The following FAM228B variants were observed in gnomAD, a reference collection of about 807,000 sequenced individuals.
FAM228B encodes the protein family with sequence similarity 228 member B, also known as protein FAM228B.
FAM228B carries 38 observed loss-of-function variants against 42.6 expected under a neutral mutation model. The observed-to-expected ratio is 0.89, with a 90% CI of 0.69 to 1.17. FAM228B has a LOEUF of 1.17. Ranked by LOEUF, FAM228B falls within the 50% of genes most tolerant of loss-of-function variation. The pLI is 0.00. For synonymous variants in FAM228B, 109 were observed against 122.3 expected, an observed-to-expected ratio of 0.89 and a Z score of 0.72; for missense variants, 344 against 367.3, an observed-to-expected ratio of 0.94 and a Z score of 0.52.
intron 5 of FAM228B, among the ~76,000 whole-genome samples, chr2:24,143,510 A>G (rs1203823664): frequency 3.9e-5 from 6 of 152,190 alleles, no homozygotes; most frequent in South Asian, 2.1e-4. Flanking sequence ...ACTTTTTTCA[A>G]TTACGTATCT....
rs992479911 is a variant in FAM228B, at chr2:24,156,783, C to A, written c.687-4723C>A. Among the ~76,000 whole-genome samples the A allele has an allele frequency of 8.3e-4, 104 of 125,602 alleles. 1 individual carries two copies. The highest frequency in any genetic ancestry group is 2.6e-3 in the African/African-American group (93 of 35,264). 82.4% of individuals were successfully genotyped at this position (125,602 alleles called of 152,430 possible). On this transcript the variant is annotated intron_variant, in intron 7 of 10. Coordinates refer to ENST00000615575, the MANE Select transcript of FAM228B (RefSeq NM_001145710.2). The stretch of plus-strand genomic sequence containing the variant: ...TTATACATTTCTTTCCGCCCCCCCC[C>A]CCCCAGCTTTTTGTTTCATTTATCT...
At chr2:24,136,053 C>CT (rs5829917) in intron 3 of FAM228B, among the ~76,000 whole-genome samples, 15,860 of 35,828 alleles carry the variant, frequency 0.44, 6,483 homozygotes, top group East Asian at 0.72. Context: ...GATAACCCTT[C>CT]TTTTTTTTTT....
At chr2:24,144,097 T>A (rs1438499159) in intron 5 of FAM228B, among the ~76,000 whole-genome samples, 2 of 152,230 alleles carry the variant, frequency 1.3e-5, no homozygotes, top group Admixed American at 6.5e-5. Flanking sequence ...TCCGGACTTA[T>A]AATTGTCGAT....
upstream of FAM228B, among the ~76,000 whole-genome samples, chr2:24,122,188 C>G (rs1666138363): frequency 6.6e-6 from 1 of 151,938 alleles, no homozygotes; most frequent in South Asian, 2.1e-4. Flanking sequence ...AAAAATTAGC[C>G]GGGCCTGGTA....
chr2:24,107,723 A>G (rs1384011580), intron 3 of FAM228B, among the ~76,000 whole-genome samples: 1 of 152,226 alleles, frequency 6.6e-6, no homozygotes, highest in African/African-American at 2.4e-5. Context: ...AAATTCTTCC[A>G]AACTAATGAG....
At chr2:24,099,815 A>G (rs963103852) in intron 3 of FAM228B, among the ~76,000 whole-genome samples, 1 of 152,190 alleles carries the variant, frequency 6.6e-6, no homozygotes, top group African/African-American at 2.4e-5. Flanking sequence ...TACCAAGACA[A>G]TCCTAAGCAA....
upstream of FAM228B, chr2:24,121,426 G>T (rs1666115064): frequency 2.3e-6 from 2 of 871,274 alleles, no homozygotes; most frequent in Non-Finnish European, 3.4e-6. Flanking sequence ...TAAATGGTTG[G>T]GGAAAAAAAA....
chr2:24,111,767 C>T (rs1331097284), intron 3 of FAM228B, among the ~76,000 whole-genome samples: 1 of 152,086 alleles, frequency 6.6e-6, no homozygotes, highest in Non-Finnish European at 1.5e-5. Flanking sequence ...TCCTCTCATC[C>T]TCACCCACTG....
intron 2 of FAM228B, among the ~76,000 whole-genome samples, chr2:24,090,497 G>A (rs1018687580): frequency 1.3e-5 from 2 of 149,950 alleles, no homozygotes; most frequent in African/African-American, 4.9e-5. Flanking sequence ...GGCAGGAGGA[G>A]GTTGCAGTGA....
intron 5 of FAM228B, among the ~76,000 whole-genome samples, chr2:24,139,805 T>C (rs1185519554): frequency 6.6e-6 from 1 of 152,268 alleles, no homozygotes; most frequent in Non-Finnish European, 1.5e-5. Context: ...TAATTCATTA[T>C]GTTAACTCAT....
rs751507770 is a variant in FAM228B at position 24,137,975 on chromosome 2, A to G, written c.235A>G (p.Arg79Gly). Residue 79 changes from arginine (R) to glycine (G), a missense_variant, in exon 4 of 11, where the codon AGA (arginine) becomes GGA (glycine). By Grantham distance (125) the Arg-to-Gly change is moderately radical. Coordinates refer to ENST00000615575, the MANE Select transcript of FAM228B (RefSeq NM_001145710.2). Reference protein sequence around the residue: ...NARRKEMLYKRWVDCVADPLQ... With the variant: ...NARRKEMLYKGWVDCVADPLQ... ...AAGAAGAAAGGAGATGTTATATAAA[A>G]GATGGGTTGACTGTGTGGCAGATCC... is the stretch of plus-strand genomic sequence containing the variant. The G allele has an allele frequency of 2.6e-6, 4 of 1,547,906 alleles. No homozygotes were observed. The South Asian group carries it at 4.8e-5, about 19-fold the overall frequency.
intron 7 of FAM228B, among the ~76,000 whole-genome samples, chr2:24,154,980 G>A (rs890790886): frequency 1.6e-4 from 25 of 152,066 alleles, no homozygotes; most frequent in Non-Finnish European, 1.5e-5. Flanking sequence ...ACAGAATTTC[G>A]AAACAATGGC....
chr2:24,150,034 C>G (rs1666989792), intron 7 of FAM228B, among the ~76,000 whole-genome samples: 1 of 152,136 alleles, frequency 6.6e-6, no homozygotes, highest in South Asian at 2.1e-4. Flanking sequence ...TGTTGTTCCT[C>G]TTTGTGTCTT....
intron 3 of FAM228B, among the ~76,000 whole-genome samples, chr2:24,111,378 G>A (rs1389007488): frequency 6.6e-6 from 1 of 151,940 alleles, no homozygotes; most frequent in African/African-American, 2.4e-5. Context: ...TTTTTTTTGT[G>A]GTTACACATT....
chr2:24,090,339 T>C (rs1665363048), intron 2 of FAM228B, among the ~76,000 whole-genome samples: 3 of 151,892 alleles, frequency 2.0e-5, no homozygotes, highest in African/African-American at 7.3e-5. Context: ...CCCAGCACTT[T>C]GAGAGGCCAA....
At chr2:24,158,447 G>T (rs755358140) in intron 7 of FAM228B, among the ~76,000 whole-genome samples, 49 of 152,010 alleles carry the variant, frequency 3.2e-4, no homozygotes, top group Non-Finnish European at 3.5e-4. Flanking sequence ...TAGCCATTTT[G>T]CAAAGAACCT....
At position 24,084,314 on chromosome 2, in the gene FAM228B, G is replaced by A. The variant is rs1452925341; in HGVS notation, c.-210+3359G>A. On this transcript the variant is annotated intron_variant, in intron 2 of 10. Coordinates refer to the FAM228B transcript ENST00000613899. This position sits in a 1 kb window ranked among gnomAD's most constrained non-coding sequence, Gnocchi z 8.4. Reference sequence around the variant, plus strand: ...TCCGGTCCTCCCGGCTTGTCAAAGTGCACGGCTAACATATTGTCTGAGGAC... The same window carrying A: ...TCCGGTCCTCCCGGCTTGTCAAAGTACACGGCTAACATATTGTCTGAGGAC... 1.9e-6 allele frequency: 3 copies of A among 1,613,846 alleles called. No homozygotes were observed. The highest frequency in any genetic ancestry group is 2.5e-6 in the Non-Finnish European group (3 of 1,179,978).
chr2:24,145,259 G>A (rs924059907), intron 5 of FAM228B, among the ~76,000 whole-genome samples: 4 of 152,146 alleles, frequency 2.6e-5, no homozygotes, highest in Admixed American at 2.0e-4. Flanking sequence ...CACTGCTTCC[G>A]CTGAGGCTGG....
intron 3 of FAM228B, among the ~76,000 whole-genome samples, chr2:24,136,988 A>G (rs1238282800): frequency 1.3e-5 from 2 of 152,112 alleles, no homozygotes; most frequent in African/African-American, 4.8e-5. Context: ...AATTTTGGCT[A>G]TTCCAGATAG....
Sources: gnomAD v4.1 joint callset for allele counts (sites outside exome capture counted in the v4.1 genomes callset) on GRCh38, gnomAD v4.1.1 for gene constraint, Gnocchi (gnomAD v3.1) non-coding constraint, MANE v1.5 for transcripts, NCBI Gene and HGNC (gene_info 2026-07-23, HGNC 2026-07-21) for gene names.